The following CADPS variants were observed in gnomAD, a reference collection of about 807,000 sequenced individuals.
The protein encoded by CADPS is calcium dependent secretion activator, also known as calcium-dependent secretion activator 1.
Under a neutral mutation model 167.3 loss-of-function variants are expected in CADPS, and 57 were observed. That is an observed-to-expected ratio of 0.34 (90% CI 0.28 to 0.42). The LOEUF (loss-of-function observed/expected upper bound fraction) is 0.42. CADPS is among the 20% of genes least tolerant of loss of function. The pLI, the probability that CADPS is intolerant of heterozygous loss-of-function variation, is 1.00. For missense variants in CADPS, 1,414 were observed against 1,738.1 expected, an observed-to-expected ratio of 0.81 and a Z score of 3.32; for synonymous variants, 676 against 635.3, an observed-to-expected ratio of 1.06 and a Z score of -0.96.
At chr3:62,411,455 C>A (rs1293531271) in intron 28 of CADPS, among the ~76,000 whole-genome samples, 3 of 152,144 alleles carry the variant, frequency 2.0e-5, no homozygotes, top group Non-Finnish European at 2.9e-5. Flanking sequence ...AGGGAAAAAA[C>A]CCCTACAACC....
intron 1 of CADPS, among the ~76,000 whole-genome samples, chr3:62,769,880 T>C (rs2088104950): frequency 6.6e-6 from 1 of 152,082 alleles, no homozygotes; most frequent in South Asian, 2.1e-4. Flanking sequence ...TGGTTCCTCA[T>C]TAAAAAATTT....
rs140078987 is a variant in CADPS at position 62,426,356 on chromosome 3, G to A, written c.3777+11748C>T. ...AGTAGAGATGAGGTTTCACCATGTTGGCCAGGATGGTCTCAATCTCCTGAT... is the reference window on the plus strand; with the variant it reads ...AGTAGAGATGAGGTTTCACCATGTTAGCCAGGATGGTCTCAATCTCCTGAT... On this transcript the variant is annotated intron_variant, in intron 28 of 29. Coordinates refer to ENST00000383710, the MANE Select transcript of CADPS (RefSeq NM_003716.4). 5.7e-4 allele frequency among the ~76,000 whole-genome samples: 87 copies of A among 152,202 alleles called. No individual in the cohort carries two copies. In the East Asian group the frequency reaches 0.015, roughly 27 times the overall value.
chr3:62,575,036 C>T (rs1458036493), intron 8 of CADPS, among the ~76,000 whole-genome samples: 1 of 152,162 alleles, frequency 6.6e-6, no homozygotes. Flanking sequence ...TAATGACTAG[C>T]AAGATTGTAA....
chr3:62,445,901 T>C, intron 26 of CADPS, 104 bp from the exon 27 acceptor site: 1 of 746,578 alleles, frequency 1.3e-6, no homozygotes, highest in Non-Finnish European at 2.0e-6. Context: ...TGCTGGCACA[T>C]GGAGCTGACC....
intron 9 of CADPS, among the ~76,000 whole-genome samples, chr3:62,558,664 T>C (rs570042530): frequency 1.3e-5 from 2 of 152,322 alleles, no homozygotes; most frequent in African/African-American, 4.8e-5. Flanking sequence ...TCTCCCGCAC[T>C]GTCCGAGGCT....
chr3:62,728,182 T>A (rs928939596), intron 3 of CADPS, among the ~76,000 whole-genome samples: 1 of 151,758 alleles, frequency 6.6e-6, no homozygotes, highest in African/African-American at 2.4e-5. Context: ...AAAACCGCAA[T>A]TACTTTTGCA....
rs186194033 is a variant in CADPS, at chr3:62,855,443, T to C, written c.441+19146A>G. On this transcript the variant is annotated intron_variant, in intron 1 of 29. Transcript: ENST00000383710. Reference sequence around the variant, plus strand: ...TACTATGTTATCATGCCATGATTAGTAGTAATAGACAAGTAAATATTAGCC... The same window carrying C: ...TACTATGTTATCATGCCATGATTAGCAGTAATAGACAAGTAAATATTAGCC... Among the ~76,000 whole-genome samples, 394 of 152,166 alleles carry C rather than the reference T, an allele frequency of 2.6e-3. 1 individual carries two copies. Among genetic ancestry groups the C allele is most frequent in the Middle Eastern group, 0.01 (3 of 294 alleles).
At chr3:62,641,789 G>A (rs1412052146) in intron 6 of CADPS, among the ~76,000 whole-genome samples, 1 of 152,178 alleles carries the variant, frequency 6.6e-6, no homozygotes, top group Non-Finnish European at 1.5e-5. Context: ...CCCACAGGTA[G>A]CAAACAGATT....
chr3:62,841,379 A>G (rs764918225), intron 1 of CADPS, among the ~76,000 whole-genome samples: 2 of 152,124 alleles, frequency 1.3e-5, no homozygotes, highest in African/African-American at 2.4e-5. Context: ...ATTCTTTACT[A>G]TCAGGTACTT....
chr3:62,765,800 G>A (rs540058493), intron 2 of CADPS, 71 bp downstream of exon 2: 13 of 917,062 alleles, frequency 1.4e-5, no homozygotes, highest in Non-Finnish European at 2.2e-5. Context: ...TGTCCCCATT[G>A]CCCTGCAGCT....
intron 28 of CADPS, among the ~76,000 whole-genome samples, chr3:62,423,167 G>A (rs1271215901): frequency 6.6e-6 from 1 of 152,196 alleles, no homozygotes; most frequent in Non-Finnish European, 1.5e-5. Flanking sequence ...TCACCCTGAA[G>A]TGGGTTACAG....
At chr3:62,800,249 T>C (rs958467900) in intron 1 of CADPS, among the ~76,000 whole-genome samples, 2 of 152,120 alleles carry the variant, frequency 1.3e-5, no homozygotes, top group Admixed American at 6.6e-5. Context: ...TGGAGTAAAA[T>C]TGTACACCCT....
chr3:62,497,531 A>G (rs1453192837), intron 18 of CADPS, among the ~76,000 whole-genome samples: 1 of 152,206 alleles, frequency 6.6e-6, no homozygotes, highest in African/African-American at 2.4e-5. Flanking sequence ...AGGATAGCGT[A>G]GGAAAAATAT....
chr3:62,733,842 ACTCCT>A (rs1259371004), intron 3 of CADPS, among the ~76,000 whole-genome samples: 2 of 151,732 alleles, frequency 1.3e-5, no homozygotes, highest in African/African-American at 2.4e-5. Context: ...CCTTACCCCA[ACTCCT>A]ACCCTTCCTC....
intron 6 of CADPS, among the ~76,000 whole-genome samples, chr3:62,631,660 T>C (rs970127186): frequency 9.2e-5 from 14 of 152,150 alleles, no homozygotes; most frequent in African/African-American, 3.1e-4. Context: ...TTTTTATATA[T>C]CCAGACAAAT....
intron 6 of CADPS, among the ~76,000 whole-genome samples, chr3:62,643,732 T>C (rs928509191): frequency 1.4e-4 from 22 of 152,224 alleles, no homozygotes; most frequent in Non-Finnish European, 3.1e-4. Flanking sequence ...AGAACTTTCT[T>C]CTTCCTTCTC....
At chr3:62,703,716 A>G (rs2081842953) in intron 3 of CADPS, among the ~76,000 whole-genome samples, 1 of 152,162 alleles carries the variant, frequency 6.6e-6, no homozygotes, top group Non-Finnish European at 1.5e-5. Context: ...CAAAGGTCAC[A>G]TGATGTGTTA....
chr3:62,400,601 CTTT>C (rs143643930), intron 29 of CADPS, among the ~76,000 whole-genome samples: 1 of 130,434 alleles, frequency 7.7e-6, no homozygotes. Flanking sequence ...TTTTTTTTTT[CTTT>C]TTTTTTTTTT....
chr3:62,844,905 T>C (rs1463793940), intron 1 of CADPS, among the ~76,000 whole-genome samples: 1 of 152,178 alleles, frequency 6.6e-6, no homozygotes, highest in Non-Finnish European at 1.5e-5. Flanking sequence ...AAGGAGCTTG[T>C]TGAAAAAATA....
Sources: allele counts gnomAD v4.1 joint callset (sites outside exome capture counted in the v4.1 genomes callset), GRCh38; gene constraint gnomAD v4.1.1; transcripts MANE v1.5; gene names NCBI Gene and HGNC (gene_info 2026-07-23, HGNC 2026-07-21).